The following PCDHA1 variants were observed in gnomAD, a reference collection of about 807,000 sequenced individuals.
The protein encoded by PCDHA1 is protocadherin alpha 1, also known as protocadherin alpha-1.
Under a neutral mutation model 61.3 loss-of-function variants are expected in PCDHA1, and 42 were observed. That is an observed-to-expected ratio of 0.69 (90% CI 0.54 to 0.89). PCDHA1 has a LOEUF of 0.89. Among genes scored for constraint, PCDHA1 ranks in the 40% least tolerant of loss-of-function variants. The pLI is 0.00. For synonymous variants in PCDHA1, 610 were observed against 553.8 expected, an observed-to-expected ratio of 1.10 and a Z score of -1.43; for missense variants, 1,256 against 1,235.3, an observed-to-expected ratio of 1.02 and a Z score of -0.25.
chr5:140,807,376 G>T (rs553258055), intron 1 of PCDHA1: 6 of 1,606,150 alleles, frequency 3.7e-6, no homozygotes, highest in African/African-American at 2.7e-5. Context: ...TGCCGCGCCT[G>T]TTCCGGGTGG....
chr5:140,967,431 T>G, intron 1 of PCDHA1: 1 of 1,613,498 alleles, frequency 6.2e-7, no homozygotes, highest in Non-Finnish European at 8.5e-7. Flanking sequence ...CAGGCAGCCT[T>G]GCACCACCTG....
At position 140,796,320 on chromosome 5, in the gene PCDHA1, G is replaced by T. The variant is rs141660057; in HGVS notation, c.2394+7636G>T. The stretch of plus-strand genomic sequence containing the variant: ...AGGTGGCCGACGTGAACGACAACGC[G>T]CCGGCGTTCGCACAGCCTGAGTACA... On this transcript the variant is annotated intron_variant, in intron 1 of 3. Coordinates refer to ENST00000504120, the MANE Select transcript of PCDHA1 (RefSeq NM_018900.4). 101 of 1,613,976 alleles carry T rather than the reference G, an allele frequency of 6.3e-5. No individual in the cohort carries two copies. In the East Asian group the frequency reaches 1.6e-3, roughly 26 times the overall value.
intron 1 of PCDHA1, among the ~76,000 whole-genome samples, chr5:140,917,068 GAGTTTAATGTAAAGTTCCCC>G (rs1192645655): frequency 1.3e-5 from 2 of 152,066 alleles, no homozygotes; most frequent in Non-Finnish European, 2.9e-5. Context: ...CGACAGCACC[GAGTTTAATGTAAAGTTCCCC>G]AGTTGCTGTG....
intron 1 of PCDHA1, chr5:140,834,468 G>T (rs1350848206): frequency 2.5e-6 from 4 of 1,614,146 alleles, no homozygotes; most frequent in Non-Finnish European, 2.5e-6. Flanking sequence ...GGCAGGGAGA[G>T]GCCAGCTCCA....
At chr5:140,848,407 A>G in intron 1 of PCDHA1, 1 of 1,347,562 alleles carries the variant, frequency 7.4e-7, no homozygotes, top group Non-Finnish European at 1.0e-6. Flanking sequence ...AACGATGGCG[A>G]ACACAGCAGA....
In PCDHA1 at chr5:140,841,946, C is replaced by T. The variant is rs2150326253; in HGVS notation, c.2394+53262C>T. 2.0e-5 allele frequency: 32 copies of T among 1,613,790 alleles called. No homozygotes were observed. The Admixed American group carries it at 5.3e-4, about 27-fold the overall frequency. Reference sequence around the variant, plus strand: ...GGACAGAGAGGACGCTCCTGCGCACCACTTATTCCTGACAGCCACAGATGG... The same window carrying T: ...GGACAGAGAGGACGCTCCTGCGCACTACTTATTCCTGACAGCCACAGATGG... On this transcript the variant is annotated intron_variant, in intron 1 of 3. Transcript: ENST00000504120.
chr5:140,835,887 C>A (rs1554135389), intron 1 of PCDHA1: 1 of 1,611,780 alleles, frequency 6.2e-7, no homozygotes, highest in South Asian at 1.1e-5. Flanking sequence ...GGTGGGCGAG[C>A]GCGCGCTGTC....
At chr5:140,982,054 G>T (rs565307071) in intron 2 of PCDHA1, among the ~76,000 whole-genome samples, 1 of 152,322 alleles carries the variant, frequency 6.6e-6, no homozygotes, top group East Asian at 1.9e-4. Context: ...AAATATTTTA[G>T]TGTGTTTTCT....
At chr5:140,867,584 T>G (rs1386448666) in intron 1 of PCDHA1, 4 of 152,130 alleles carry the variant, frequency 2.6e-5, no homozygotes, top group Non-Finnish European at 5.9e-5. Context: ...CTTGCAGTAT[T>G]TTTAGATTGG....
At chr5:140,973,665 T>C (rs1309458037) in intron 1 of PCDHA1, among the ~76,000 whole-genome samples, 2 of 152,248 alleles carry the variant, frequency 1.3e-5, no homozygotes, top group Non-Finnish European at 2.9e-5. Context: ...CTATTTATTG[T>C]AGCTTGAATG....
intron 1 of PCDHA1, chr5:140,800,881 T>C (rs1762608954): frequency 3.3e-6 from 1 of 299,278 alleles, no homozygotes; most frequent in Non-Finnish European, 5.8e-6. Context: ...AGATAAAATA[T>C]AAGGACTTTG....
chr5:140,884,334 C>T (rs1405987385), intron 1 of PCDHA1: 1 of 1,613,746 alleles, frequency 6.2e-7, no homozygotes, highest in Non-Finnish European at 8.5e-7. Context: ...GCTGTGGGTC[C>T]AGAAGCGGCG....
At chr5:140,928,809 GGACCATGGA>G (rs1563109708) in intron 1 of PCDHA1, 1 of 1,614,078 alleles carries the variant, frequency 6.2e-7, no homozygotes, top group Non-Finnish European at 8.5e-7. Flanking sequence ...TAGTGGTTCG[GGACCATGGA>G]GACCCACCAC....
intron 1 of PCDHA1, chr5:140,857,399 G>T (rs375062704): frequency 6.3e-7 from 1 of 1,598,510 alleles, no homozygotes; most frequent in Non-Finnish European, 8.6e-7. Context: ...GAACGACAAC[G>T]CGCCTGCGTT....
rs147180015 is a variant in PCDHA1, at chr5:140,822,636, T to G, written c.2394+33952T>G. On this transcript the variant is annotated intron_variant, in intron 1 of 3. Transcript: ENST00000504120. ...TCTTTAGTAATCTTGTTCTTGACGATGTAAAGTCCAAATTTATAATTAATT... is the reference window on the plus strand; with the variant it reads ...TCTTTAGTAATCTTGTTCTTGACGAGGTAAAGTCCAAATTTATAATTAATT... 3.1e-6 allele frequency: 5 copies of G among 1,610,778 alleles called. No individual in the cohort carries two copies. Among genetic ancestry groups the G allele is most frequent in the Admixed American group, 1.7e-5 (1 of 59,828 alleles).
At chr5:140,801,323 C>T (rs782468129) in intron 1 of PCDHA1, 28 of 1,613,308 alleles carry the variant, frequency 1.7e-5, no homozygotes, top group Non-Finnish European at 2.3e-5. Context: ...CCAAGCATGG[C>T]ACCTTCGTGG....
chr5:140,852,296 G>C, intron 1 of PCDHA1: 1 of 460,598 alleles, frequency 2.2e-6, no homozygotes, highest in South Asian at 9.2e-5. Flanking sequence ...TTATTTTTCT[G>C]AGACGGAGTC....
rs781920774 is a variant in PCDHA1 at position 140,882,850 on chromosome 5, T to A, written c.2394+94166T>A. 4 of 1,614,090 alleles carry A rather than the reference T, an allele frequency of 2.5e-6. No homozygotes were observed. In the African/African-American group the frequency reaches 5.3e-5, roughly 22 times the overall value. ...TTGAGCAAATGTCTTCATTATCACT[T>A]GTACTGAGGAAAACACTGGACAGAG... On this transcript the variant is annotated intron_variant, in intron 1 of 3. Coordinates refer to ENST00000504120, the MANE Select transcript of PCDHA1 (RefSeq NM_018900.4).
At chr5:140,996,495 G>A (rs2097728470) in intron 3 of PCDHA1, among the ~76,000 whole-genome samples, 2 of 152,156 alleles carry the variant, frequency 1.3e-5, no homozygotes, top group South Asian at 4.1e-4. Context: ...GGCAAGTCTG[G>A]CTTCTTGGGG....
Sources: allele counts gnomAD v4.1 joint callset (sites outside exome capture counted in the v4.1 genomes callset), GRCh38; gene constraint gnomAD v4.1.1; transcripts MANE v1.5; gene names NCBI Gene and HGNC (gene_info 2026-07-23, HGNC 2026-07-21).